NTRK2: variants seen among roughly 807,000 people sequenced by gnomAD.
NTRK2 encodes neurotrophic receptor tyrosine kinase 2.
Under a neutral mutation model 94.5 loss-of-function variants are expected in NTRK2, and 13 were observed. The observed-to-expected ratio is 0.14, with a 90% confidence interval of 0.09 to 0.22. The LOEUF (loss-of-function observed/expected upper bound fraction) is 0.22. Ranked by LOEUF, NTRK2 falls within the 10% of genes least tolerant of loss-of-function variation. The pLI is 1.00. For missense variants in NTRK2, 639 were observed against 1,071.2 expected (o/e 0.60, Z 5.63); for synonymous variants, 372 against 407.4 (o/e 0.91, Z 1.05).
chr9:84,809,895 A>AG (rs1260713831), intron 12 of NTRK2, among the ~76,000 whole-genome samples: 1 of 150,488 alleles, frequency 6.6e-6, no homozygotes, highest in East Asian at 1.9e-4. Flanking sequence ...AAAAAAAAAA[A>AG]AAAAAAAGAA....
intron 15 of NTRK2, among the ~76,000 whole-genome samples, chr9:84,940,052 C>G (rs755257701): frequency 3.3e-5 from 5 of 152,138 alleles, no homozygotes; most frequent in Non-Finnish European, 5.9e-5. Flanking sequence ...TCACCAGACC[C>G]TCTGGCCAGA....
At chr9:84,953,460 C>CA (rs1280650723) in intron 16 of NTRK2, among the ~76,000 whole-genome samples, 2 of 152,200 alleles carry the variant, frequency 1.3e-5, no homozygotes, top group Admixed American at 6.5e-5. Context: ...GTAACTCACC[C>CA]AAAATCACAC....
At chr9:84,775,408 G>T (rs529191101) in intron 12 of NTRK2, among the ~76,000 whole-genome samples, 1 of 152,216 alleles carries the variant, frequency 6.6e-6, no homozygotes, top group African/African-American at 2.4e-5. Flanking sequence ...GTTATGCTTA[G>T]CCCATCAGCA....
At chr9:84,829,059 C>T (rs1462868845) in intron 12 of NTRK2, among the ~76,000 whole-genome samples, 1 of 151,816 alleles carries the variant, frequency 6.6e-6, no homozygotes, top group Non-Finnish European at 1.5e-5. Flanking sequence ...AGTGCAGTGG[C>T]ACGATCTCAG....
At chr9:84,840,467 A>C (rs975026808) in intron 12 of NTRK2, among the ~76,000 whole-genome samples, 6 of 151,812 alleles carry the variant, frequency 4.0e-5, no homozygotes, top group Non-Finnish European at 8.8e-5. Context: ...CTCTCCTGAT[A>C]CAAGGCTTCT....
chr9:84,752,090 G>A lies in NTRK2; in HGVS notation c.1396+5G>A, dbSNP rs1174654112. ...ACTCCAAGTTTGGCATGAAAGGTAA[G>A]AAGGGTTGTGTTTATTTAGCTTCTT... On this transcript the variant is annotated splice_donor_5th_base_variant and intron_variant, in intron 12 of 18. Transcript: ENST00000277120. 3 of 1,611,130 alleles carry A rather than the reference G, an allele frequency of 1.9e-6. No homozygotes were observed. Among genetic ancestry groups the A allele is most frequent in the Non-Finnish European group, 2.5e-6 (3 of 1,177,460 alleles).
chr9:84,955,242 ATG>A, intron 16 of NTRK2, 39 bp from the exon 17 acceptor site: 1 of 1,532,410 alleles, frequency 6.5e-7, no homozygotes, highest in Non-Finnish European at 8.9e-7. Flanking sequence ...TGGAGTGAAA[ATG>A]CTGAGGCCCC....
intron 12 of NTRK2, among the ~76,000 whole-genome samples, chr9:84,775,846 T>A (rs1162227404): frequency 6.6e-6 from 1 of 152,202 alleles, no homozygotes; most frequent in African/African-American, 2.4e-5. Flanking sequence ...ATCCCAGACC[T>A]ACTGAATTCA....
intron 12 of NTRK2, among the ~76,000 whole-genome samples, chr9:84,835,455 G>A (rs867514100): frequency 2.0e-5 from 3 of 152,016 alleles, no homozygotes; most frequent in African/African-American, 7.3e-5. Flanking sequence ...AAAAAAGGAT[G>A]TGTCTATCAA....
intron 12 of NTRK2, among the ~76,000 whole-genome samples, chr9:84,772,991 C>A (rs1191378846): frequency 6.6e-6 from 1 of 152,038 alleles, no homozygotes; most frequent in South Asian, 2.1e-4. Context: ...TGATTGGTAA[C>A]AAAATAGTTA....
intron 12 of NTRK2, among the ~76,000 whole-genome samples, chr9:84,837,970 A>G (rs931208398): frequency 2.6e-5 from 4 of 152,214 alleles, no homozygotes; most frequent in African/African-American, 7.2e-5. Context: ...ATGGCATAAG[A>G]CATGAAATGG....
intron 12 of NTRK2, among the ~76,000 whole-genome samples, chr9:84,859,559 C>T (rs1229016843): frequency 6.6e-6 from 1 of 152,090 alleles, no homozygotes; most frequent in Non-Finnish European, 1.5e-5. Context: ...CAAAAATAAT[C>T]TGAAATGTGC....
rs1280705700 is a variant in NTRK2 at position 84,941,352 on chromosome 9, CT to C, written c.1764+7063del. Among the ~76,000 whole-genome samples the C allele has an allele frequency of 5.9e-5, 9 of 152,316 alleles. 1 individual carries two copies. The highest frequency in any genetic ancestry group is 2.2e-4 in the African/African-American group (9 of 41,576). On this transcript the variant is annotated intron_variant, in intron 15 of 18. Transcript: ENST00000277120. ...AATATACCTTTCCCAGTAATTTCAA[CT>C]TTAGACCTTGGGTCAGGGATCTGTT...
At chr9:85,002,598 C>T (rs1830450162) in intron 17 of NTRK2, among the ~76,000 whole-genome samples, 1 of 152,190 alleles carries the variant, frequency 6.6e-6, no homozygotes, top group Admixed American at 6.5e-5. Flanking sequence ...AAAAGCCTTT[C>T]ACAAATTCCT....
chr9:84,990,950 G>T (rs962807853), intron 17 of NTRK2, among the ~76,000 whole-genome samples: 8 of 152,110 alleles, frequency 5.3e-5, no homozygotes, highest in Non-Finnish European at 7.3e-5. Flanking sequence ...TATTGAAGAG[G>T]ATATAAAGGC....
At chr9:84,944,514 G>T (rs2078530127) in intron 15 of NTRK2, among the ~76,000 whole-genome samples, 1 of 152,172 alleles carries the variant, frequency 6.6e-6, no homozygotes. Flanking sequence ...TTGTGATAAT[G>T]ACCTTCAAGG....
At position 84,842,699 on chromosome 9, in the gene NTRK2, C is replaced by CCACA. The variant is rs541178986; in HGVS notation, c.1397-18340_1397-18337dup. Among the ~76,000 whole-genome samples the CCACA allele has an allele frequency of 5.9e-5, 9 of 152,290 alleles. No homozygotes were observed. The East Asian group carries it at 1.7e-3, about 29-fold the overall frequency. On this transcript the variant is annotated intron_variant, in intron 12 of 18. Coordinates refer to ENST00000277120, the MANE Select transcript of NTRK2 (RefSeq NM_006180.6). ...TATGACCATTGGAACCTCACCTCAT[C>CCACA]CACAGTCTGGCACCACTACTTGGCT...
intron 15 of NTRK2, among the ~76,000 whole-genome samples, chr9:84,940,335 G>T (rs993202290): frequency 6.6e-6 from 1 of 152,204 alleles, no homozygotes; most frequent in East Asian, 1.9e-4. Flanking sequence ...ATCTGAGGCA[G>T]CCCTGGTGAC....
At chr9:84,874,082 C>G in intron 14 of NTRK2, 1 of 1,064,416 alleles carries the variant, frequency 9.4e-7, no homozygotes. Context: ...TTTCCCAAGG[C>G]CCAGCCTGAC....
Sources: gnomAD v4.1 joint callset for allele counts (sites outside exome capture counted in the v4.1 genomes callset) on GRCh38, gnomAD v4.1.1 for gene constraint, MANE v1.5 for transcripts, NCBI Gene and HGNC (gene_info 2026-07-23, HGNC 2026-07-21) for gene names.